The following ST6GALNAC3 variants were observed in gnomAD, a reference collection of about 807,000 sequenced individuals.
ST6GALNAC3 encodes alpha-N-acetylgalactosaminide alpha-2,6-sialyltransferase 3.
Under a neutral mutation model 32.7 loss-of-function variants are expected in ST6GALNAC3, and 25 were observed. The ratio of observed to expected loss-of-function variants is 0.76; its 90% CI spans 0.56 to 1.07. The LOEUF is 1.07. Among genes scored for constraint, ST6GALNAC3 ranks in the 50% least tolerant of loss-of-function variants. The pLI, the probability that ST6GALNAC3 is intolerant of heterozygous loss-of-function variation, is 0.00. For synonymous variants in ST6GALNAC3, 129 were observed against 133.1 expected, an observed-to-expected ratio of 0.97 and a Z score of 0.21; for missense variants, 355 against 382.4, an observed-to-expected ratio of 0.93 and a Z score of 0.60.
At chr1:76,518,549 G>A (rs1662312752) in intron 3 of ST6GALNAC3, among the ~76,000 whole-genome samples, 1 of 151,430 alleles carries the variant, frequency 6.6e-6, no homozygotes, top group African/African-American at 2.4e-5. Flanking sequence ...CATCGTGTTT[G>A]TTTAAATACA....
At chr1:76,281,825 T>G (rs1018510838) in intron 1 of ST6GALNAC3, among the ~76,000 whole-genome samples, 1 of 152,130 alleles carries the variant, frequency 6.6e-6, no homozygotes, top group East Asian at 1.9e-4. Context: ...TTATTTAAGA[T>G]TATTAACACA....
intron 3 of ST6GALNAC3, among the ~76,000 whole-genome samples, chr1:76,559,232 A>T (rs564006416): frequency 5.3e-5 from 8 of 152,300 alleles, no homozygotes; most frequent in African/African-American, 1.9e-4. Context: ...GCTACTGAAG[A>T]ATTTTGAATA....
At chr1:76,303,918 AT>A (rs1304064942) in intron 1 of ST6GALNAC3, among the ~76,000 whole-genome samples, 3 of 151,662 alleles carry the variant, frequency 2.0e-5, no homozygotes, top group Non-Finnish European at 2.9e-5. Context: ...TATATTTTAA[AT>A]TTTTCTCACT....
intron 1 of ST6GALNAC3, among the ~76,000 whole-genome samples, chr1:76,286,236 G>C (rs1026041187): frequency 6.6e-6 from 1 of 152,196 alleles, no homozygotes; most frequent in Non-Finnish European, 1.5e-5. Context: ...GGAGCCTGTG[G>C]GCCTAAGCTA....
intron 3 of ST6GALNAC3, among the ~76,000 whole-genome samples, chr1:76,480,467 A>C (rs1204708896): frequency 2.0e-5 from 3 of 152,174 alleles, no homozygotes; most frequent in Non-Finnish European, 2.9e-5. Context: ...ATACGATGGA[A>C]TTTGAAAATG....
chr1:76,152,453 A>C (rs1651105752), intron 1 of ST6GALNAC3, among the ~76,000 whole-genome samples: 1 of 152,238 alleles, frequency 6.6e-6, no homozygotes, highest in South Asian at 2.1e-4. Flanking sequence ...TTGTGGAGCC[A>C]CTTTGATGAA....
chr1:76,504,697 GT>G (rs529234873), intron 3 of ST6GALNAC3, among the ~76,000 whole-genome samples: 1 of 152,080 alleles, frequency 6.6e-6, no homozygotes, highest in Non-Finnish European at 1.5e-5. Flanking sequence ...AGAACCTAAT[GT>G]GTTCTTTGGC....
chr1:76,374,204 G>A (rs1439243788), intron 2 of ST6GALNAC3, among the ~76,000 whole-genome samples: 1 of 152,164 alleles, frequency 6.6e-6, no homozygotes, highest in Non-Finnish European at 1.5e-5. Context: ...TAAGAAGTCT[G>A]CTCAATGTGC....
chr1:76,614,259 T>C (rs868361641), intron 3 of ST6GALNAC3, among the ~76,000 whole-genome samples: 1 of 152,220 alleles, frequency 6.6e-6, no homozygotes, highest in South Asian at 2.1e-4. Context: ...AGACAAATTT[T>C]GAAACAGTGG....
rs1654317936 is a variant in ST6GALNAC3, at chr1:76,412,396, A to G, written c.602A>G (p.Lys201Arg). 1 of 1,603,952 alleles carries G rather than the reference A, an allele frequency of 6.2e-7. No homozygotes were observed. The highest frequency in any genetic ancestry group is 8.5e-7 in the Non-Finnish European group (1 of 1,173,858). ...ATGAGTTACTGTGATGGAGTTTTTA[A>G]GAAGGAAACTGGGAAGGACAGGTGA... ...KRMSYCDGVF[K>R]KETGKDRVQS... Residue 201 changes from lysine (K) to arginine (R), a missense_variant, in exon 3 of 5, where the codon AAG (lysine) becomes AGG (arginine). By Grantham distance (26) the Lys-to-Arg change is conservative. Coordinates refer to ENST00000328299, the MANE Select transcript of ST6GALNAC3 (RefSeq NM_152996.4).
At chr1:76,611,126 T>A (rs1466301525) in intron 3 of ST6GALNAC3, among the ~76,000 whole-genome samples, 1 of 152,140 alleles carries the variant, frequency 6.6e-6, no homozygotes, top group Non-Finnish European at 1.5e-5. Flanking sequence ...GTCTGCTTTT[T>A]AATCCATCTT....
intron 1 of ST6GALNAC3, among the ~76,000 whole-genome samples, chr1:76,220,220 G>GT (rs1218599258): frequency 8.5e-5 from 13 of 152,194 alleles, no homozygotes; most frequent in African/African-American, 3.1e-4. Context: ...TCCCTGCAAT[G>GT]TAACAGTCTG....
At chr1:76,116,919 ACT>A (rs1189175720) in intron 1 of ST6GALNAC3, among the ~76,000 whole-genome samples, 1 of 152,046 alleles carries the variant, frequency 6.6e-6, no homozygotes, top group East Asian at 1.9e-4. Context: ...GCAAAGTGAG[ACT>A]CTGTCTAAAA....
intron 2 of ST6GALNAC3, among the ~76,000 whole-genome samples, chr1:76,322,105 T>C (rs753599019): frequency 3.9e-4 from 60 of 152,250 alleles, no homozygotes; most frequent in Non-Finnish European, 4.3e-4. Flanking sequence ...GAAATTCAAC[T>C]ATCAAATTAC....
chr1:76,514,736 C>T (rs192768046), intron 3 of ST6GALNAC3, among the ~76,000 whole-genome samples: 1 of 152,210 alleles, frequency 6.6e-6, no homozygotes, highest in African/African-American at 2.4e-5. Flanking sequence ...GCTAAATAAA[C>T]CTTTTTTCTT....
intron 2 of ST6GALNAC3, among the ~76,000 whole-genome samples, chr1:76,321,061 T>C (rs1266569445): frequency 6.6e-6 from 1 of 151,902 alleles, no homozygotes; most frequent in Non-Finnish European, 1.5e-5. Flanking sequence ...TTCCCTTTAT[T>C]AGAGAAGGTG....
intron 3 of ST6GALNAC3, among the ~76,000 whole-genome samples, chr1:76,533,213 C>A (rs931035667): frequency 1.3e-4 from 20 of 152,272 alleles, no homozygotes; most frequent in Non-Finnish European, 1.5e-5. Flanking sequence ...TTTCAGGAAC[C>A]ATGGCTACTC....
At position 76,509,663 on chromosome 1, in the gene ST6GALNAC3, G is replaced by T. The variant is rs1661712768; in HGVS notation, c.623+97246G>T. 1.3e-5 allele frequency among the ~76,000 whole-genome samples: 2 copies of T among 152,162 alleles called. No individual in the cohort carries two copies. The highest frequency in any genetic ancestry group is 2.9e-5 in the Non-Finnish European group (2 of 68,010). ...CGAAGTTAGAAGTCTAAAATGGGTT[G>T]TTAGGGCTGCATTCCTTCTGGAAGA... is the stretch of plus-strand genomic sequence containing the variant. On this transcript the variant is annotated intron_variant, in intron 3 of 4. Transcript: ENST00000328299. The surrounding 1 kb of genome is among the most constrained non-coding windows in gnomAD (Gnocchi z 5.5).
At chr1:76,220,730 T>G (rs1486931) in intron 1 of ST6GALNAC3, among the ~76,000 whole-genome samples, 21,469 of 152,180 alleles carry the variant, frequency 0.14, 1,969 homozygotes, top group Non-Finnish European at 0.21. Flanking sequence ...GGCTAGGGGC[T>G]TTGGACTAGG....
Sources: gnomAD v4.1 joint callset for allele counts (sites outside exome capture counted in the v4.1 genomes callset) on GRCh38, gnomAD v4.1.1 for gene constraint, Gnocchi (gnomAD v3.1) non-coding constraint, MANE v1.5 for transcripts, NCBI Gene and HGNC (gene_info 2026-07-23, HGNC 2026-07-21) for gene names.